The following REEP3 variants were observed in gnomAD, a reference collection of about 807,000 sequenced individuals.
The protein encoded by REEP3 is receptor accessory protein 3.
In REEP3, 20 loss-of-function variants were observed where a neutral mutation model predicts 41.3. The ratio of observed to expected loss-of-function variants is 0.48; its 90% confidence interval spans 0.34 to 0.70. The LOEUF (loss-of-function observed/expected upper bound fraction) is 0.70. Ranked by LOEUF, REEP3 falls within the 30% of genes least tolerant of loss-of-function variation. The pLI, the probability that REEP3 is intolerant of heterozygous loss-of-function variation, is 0.01. For synonymous variants in REEP3, 104 were observed against 101.8 expected (o/e 1.02, Z -0.13); for missense variants, 271 against 308.8 (o/e 0.88, Z 0.92).
At chr10:63,531,092 C>T (rs576026734) in intron 1 of REEP3, among the ~76,000 whole-genome samples, 57 of 152,226 alleles carry the variant, frequency 3.7e-4, no homozygotes, top group Non-Finnish European at 5.0e-4. Flanking sequence ...GCCACTATGA[C>T]TGAAAATCAG....
At chr10:63,578,413 A>G (rs985629589) in intron 2 of REEP3, among the ~76,000 whole-genome samples, 3 of 152,336 alleles carry the variant, frequency 2.0e-5, no homozygotes, top group Admixed American at 6.5e-5. Flanking sequence ...ACTCTATAAT[A>G]TTAAGTAAGA....
chr10:63,610,101 A>G, intron 5 of REEP3, 86 bp from the exon 6 acceptor site: 1 of 1,174,668 alleles, frequency 8.5e-7, no homozygotes, highest in Non-Finnish European at 1.2e-6. Flanking sequence ...GCTTTTCTGA[A>G]GTTATCTTAA....
intron 5 of REEP3, among the ~76,000 whole-genome samples, chr10:63,601,250 A>G (rs1268334244): frequency 6.6e-6 from 1 of 152,186 alleles, no homozygotes; most frequent in Non-Finnish European, 1.5e-5. Context: ...AATACCATCC[A>G]TGATACCATC....
intron 1 of REEP3, among the ~76,000 whole-genome samples, chr10:63,525,508 T>C (rs986554832): frequency 2.1e-4 from 32 of 152,056 alleles, no homozygotes; most frequent in Non-Finnish European, 4.3e-4. Context: ...AATTTCCGCC[T>C]CCCGGGTTCA....
At chr10:63,522,644 T>C (rs1476708786) in intron 1 of REEP3, among the ~76,000 whole-genome samples, 1 of 152,074 alleles carries the variant, frequency 6.6e-6, no homozygotes, top group Non-Finnish European at 1.5e-5. Flanking sequence ...TTAGGAAAAA[T>C]AACATTACCA....
chr10:63,543,573 C>T (rs1464357325), intron 1 of REEP3, among the ~76,000 whole-genome samples: 1 of 151,820 alleles, frequency 6.6e-6, no homozygotes, highest in African/African-American at 2.4e-5. Flanking sequence ...TCTTTTGTCA[C>T]ATTTTCATTT....
intron 1 of REEP3, among the ~76,000 whole-genome samples, chr10:63,549,331 G>A (rs1955606657): frequency 6.6e-6 from 1 of 152,240 alleles, no homozygotes; most frequent in Non-Finnish European, 1.5e-5. Context: ...ACTTTCGGAG[G>A]CCACGGCTGG....
At chr10:63,608,759 A>G (rs1956252134) in intron 5 of REEP3, among the ~76,000 whole-genome samples, 1 of 152,188 alleles carries the variant, frequency 6.6e-6, no homozygotes, top group Admixed American at 6.5e-5. Flanking sequence ...GTAGTTATAC[A>G]TGAACAGTTC....
chr10:63,558,118 A>G (rs1016635669), intron 1 of REEP3, among the ~76,000 whole-genome samples: 1 of 152,242 alleles, frequency 6.6e-6, no homozygotes, highest in African/African-American at 2.4e-5. Flanking sequence ...TCAAGAATGT[A>G]GTATGACTTT....
intron 2 of REEP3, among the ~76,000 whole-genome samples, chr10:63,573,316 A>G (rs1955870262): frequency 6.6e-6 from 1 of 152,216 alleles, no homozygotes; most frequent in Admixed American, 6.5e-5. Flanking sequence ...AGTAATTGAA[A>G]TGTAAACTTA....
intron 1 of REEP3, among the ~76,000 whole-genome samples, chr10:63,529,647 T>A (rs905708844): frequency 6.6e-6 from 1 of 151,860 alleles, no homozygotes; most frequent in Non-Finnish European, 1.5e-5. Context: ...ATTTTACTTT[T>A]GTAGAGATGA....
chr10:63,552,282 A>G (rs553049369), intron 1 of REEP3, among the ~76,000 whole-genome samples: 53 of 152,160 alleles, frequency 3.5e-4, no homozygotes, highest in African/African-American at 1.2e-3. Flanking sequence ...GTGGTGGCAC[A>G]TACCTGTAGT....
At chr10:63,563,909 A>G (rs1273617254) in intron 1 of REEP3, among the ~76,000 whole-genome samples, 1 of 152,188 alleles carries the variant, frequency 6.6e-6, no homozygotes, top group Non-Finnish European at 1.5e-5. Context: ...GAAGCATCGT[A>G]CAACATACTT....
intron 2 of REEP3, among the ~76,000 whole-genome samples, chr10:63,578,979 TAA>T (rs1177125055): frequency 2.0e-5 from 3 of 149,626 alleles, no homozygotes; most frequent in African/African-American, 7.3e-5. Flanking sequence ...ACTTCACTGG[TAA>T]AGTAACTGGT....
rs1364403106 is a variant in REEP3, at chr10:63,620,921, C to G, written c.*52C>G. ...CAGATTATGCTAAATACATCGACTT[C>G]ATCTTCTAACATGATATATTCAGGA... is the stretch of plus-strand genomic sequence containing the variant. On this transcript the variant is annotated 3_prime_UTR_variant, in exon 8 of 8. Coordinates refer to ENST00000373758, the MANE Select transcript of REEP3 (RefSeq NM_001001330.3). The G allele has an allele frequency of 4.0e-5, 43 of 1,077,806 alleles. No individual in the cohort carries two copies. Among genetic ancestry groups the G allele is most frequent in the Admixed American group, 8.1e-5 (4 of 49,262 alleles). The allele number at this position is 1,077,806 out of a possible 1,614,324, so 66.8% of individuals were successfully genotyped here. A position where few individuals can be genotyped will look rare whatever the true frequency, so the allele number is the denominator to read the frequency against.
chr10:63,536,457 G>T (rs940757257), intron 1 of REEP3, among the ~76,000 whole-genome samples: 1 of 151,948 alleles, frequency 6.6e-6, no homozygotes, highest in Admixed American at 6.6e-5. Context: ...ATATCCTCAG[G>T]ATATAGAATT....
intron 2 of REEP3, among the ~76,000 whole-genome samples, chr10:63,586,799 T>C (rs1956011403): frequency 6.6e-6 from 1 of 152,140 alleles, no homozygotes; most frequent in Admixed American, 6.5e-5. Context: ...CCCAAAGTGC[T>C]GGGATTAAAA....
At position 63,534,364 on chromosome 10, in the gene REEP3, C is replaced by T. The variant is rs188326169; in HGVS notation, c.32+12787C>T. Reference sequence around the variant, plus strand: ...TCCCTGGGCTCCAGCGATCTTCCTGCTTCCACCTCCTAAGTAGCTAGAACT... The same window carrying T: ...TCCCTGGGCTCCAGCGATCTTCCTGTTTCCACCTCCTAAGTAGCTAGAACT... On this transcript the variant is annotated intron_variant, in intron 1 of 7. Transcript: ENST00000373758. Among the ~76,000 whole-genome samples the T allele has an allele frequency of 5.5e-4, 83 of 152,214 alleles. No homozygotes were observed. In the Middle Eastern group the frequency reaches 0.01, roughly 19 times the overall value.
intron 6 of REEP3, among the ~76,000 whole-genome samples, chr10:63,618,203 A>G (rs1372556728): frequency 3.4e-5 from 5 of 146,374 alleles, no homozygotes; most frequent in African/African-American, 7.5e-5. Flanking sequence ...ATTAAAGGAG[A>G]ATTTATAACT....
Sources: allele counts gnomAD v4.1 joint callset (sites outside exome capture counted in the v4.1 genomes callset), GRCh38; gene constraint gnomAD v4.1.1; transcripts MANE v1.5; gene names NCBI Gene and HGNC (gene_info 2026-07-23, HGNC 2026-07-21).